ANKRD36: variants seen among roughly 807,000 people sequenced by gnomAD.
ANKRD36 encodes ankyrin repeat domain 36.
A neutral mutation model predicts 278.1 loss-of-function variants in ANKRD36; 179 were observed. The observed-to-expected ratio is 0.64, with a 90% CI of 0.57 to 0.73. The LOEUF (loss-of-function observed/expected upper bound fraction) is 0.73, where lower values mean the gene tolerates loss of function less well. Ranked by LOEUF, ANKRD36 falls within the 30% of genes least tolerant of loss-of-function variation. The probability of loss-of-function intolerance (pLI) is 0.00; values close to 1 mark genes in which losing one functional copy is unlikely to be tolerated. For missense variants in ANKRD36, 1,159 were observed against 1,956.7 expected (o/e 0.59, Z 7.69); for synonymous variants, 320 against 641.1 (o/e 0.50, Z 7.57).
Position 97,142,791 on chromosome 2 carries a change from C to A in ANKRD36, c.857C>A (p.Ser286Ter), listed in dbSNP as rs747469072. The A allele has an allele frequency of 7.7e-5, 121 of 1,570,840 alleles. No individual in the cohort carries two copies. The highest frequency in any genetic ancestry group is 1.4e-4 in the African/African-American group (10 of 73,612). The change falls in exon 8 of 76, where the codon TCA (serine) becomes TAA (stop). Residue 286 changes from serine (S) to a stop codon, truncating the protein, a stop_gained. Transcript: ENST00000420699. LOFTEE classifies it high-confidence loss of function. ...KATSGKEDSI[S>*]NIATEIKDGQ... ...ACAAGTGGCAAGGAAGATTCTATTT[C>A]AAATATAGCCACAGAAATAAAGGAT...
rs1279395755 is a variant in ANKRD36, at chr2:97,192,841, T to A, written c.2348-17T>A. The A allele has an allele frequency of 6.3e-6, 10 of 1,599,670 alleles. No individual in the cohort carries two copies. In the Admixed American group the frequency reaches 1.2e-4, roughly 19 times the overall value. ...ATAGTTACATATGAGTGATTATGTA[T>A]CCCTTTTGCTTTTCAGTGTCTTCTC... is the stretch of plus-strand genomic sequence containing the variant. On this transcript the variant is annotated splice_polypyrimidine_tract_variant and intron_variant, in intron 36 of 75. Transcript: ENST00000420699.
intron 15 of ANKRD36, among the ~76,000 whole-genome samples, chr2:97,157,011 A>G (rs1575066435): frequency 1.3e-5 from 2 of 151,856 alleles, no homozygotes; most frequent in East Asian, 3.9e-4. Context: ...TTGGCTGCAT[A>G]AATGTCTTCT....
chr2:97,169,901 C>G (rs1364878999), intron 22 of ANKRD36, among the ~76,000 whole-genome samples: 2 of 152,114 alleles, frequency 1.3e-5, no homozygotes, highest in African/African-American at 4.8e-5. Flanking sequence ...CATTGACTTT[C>G]TTCACAGAAT....
chr2:97,228,238 A>G lies in ANKRD36; in HGVS notation c.3951+3359A>G, dbSNP rs372307116. On this transcript the variant is annotated intron_variant, in intron 67 of 75. Transcript: ENST00000420699. ...ACCACTTCCTCCTTGTACCTCTGGT[A>G]GAATTCGGCTGTGAATCCATCTGGT... Among the ~76,000 whole-genome samples, 164 of 152,224 alleles carry G rather than the reference A, an allele frequency of 1.1e-3. 12 individuals carry two copies. In the East Asian group the frequency reaches 0.029, roughly 27 times the overall value.
chr2:97,174,829 G>A (rs1349326643), intron 22 of ANKRD36, among the ~76,000 whole-genome samples: 1 of 151,712 alleles, frequency 6.6e-6, no homozygotes, highest in Non-Finnish European at 1.5e-5. Context: ...AGAGTTTTTA[G>A]CATGAAGGGT....
At chr2:97,149,678 T>A (rs936759853) in intron 12 of ANKRD36, among the ~76,000 whole-genome samples, 2 of 151,988 alleles carry the variant, frequency 1.3e-5, no homozygotes, top group Admixed American at 1.3e-4. Context: ...CTAGGCTTAT[T>A]TGAGTGTTTT....
At chr2:97,168,328 A>AT (rs1023867045) in intron 22 of ANKRD36, among the ~76,000 whole-genome samples, 1 of 152,204 alleles carries the variant, frequency 6.6e-6, no homozygotes, top group Non-Finnish European at 1.5e-5. Context: ...GTCATTAATC[A>AT]TTTTTTCGTG....
chr2:97,175,618 A>C (rs1222713529), intron 22 of ANKRD36, among the ~76,000 whole-genome samples: 3 of 151,210 alleles, frequency 2.0e-5, no homozygotes, highest in Non-Finnish European at 2.9e-5. Flanking sequence ...TTGTGTCTCT[A>C]TTTCCTTCAG....
At chr2:97,118,226 A>T (rs1235990098) in intron 2 of ANKRD36, 48 bp downstream of exon 2, 3 of 1,577,040 alleles carry the variant, frequency 1.9e-6, no homozygotes, top group Non-Finnish European at 2.6e-6. Context: ...TGGTTGAAGT[A>T]CATAGGATAA....
In ANKRD36 at chr2:97,208,088, T is replaced by C; in HGVS notation, c.3265+82T>C. On this transcript the variant is annotated intron_variant, in intron 54 of 75. Transcript: ENST00000420699. ...TTCCCTGAATAAATCAGCGGGGGGC[T>C]CGTTGAAGCTGCACATTCTGATTCA... 15 of 1,318,446 alleles carry C rather than the reference T, an allele frequency of 1.1e-5. 2 individuals carry two copies. In the South Asian group the frequency reaches 1.7e-4, roughly 15 times the overall value. The allele number at this position is 1,318,446 out of a possible 1,614,324, so 81.7% of individuals were successfully genotyped here. A position where few individuals can be genotyped will look rare whatever the true frequency, so the allele number is the denominator to read the frequency against.
At chr2:97,226,230 C>T (rs1169034291) in intron 67 of ANKRD36, among the ~76,000 whole-genome samples, 1 of 151,818 alleles carries the variant, frequency 6.6e-6, no homozygotes, top group Non-Finnish European at 1.5e-5. Flanking sequence ...AACTAGTTTA[C>T]AGTCCCACCA....
chr2:97,222,655 A>C (rs1461660412), intron 66 of ANKRD36, among the ~76,000 whole-genome samples: 1 of 152,140 alleles, frequency 6.6e-6, no homozygotes. Context: ...TTTTGCTACT[A>C]TTTCTGAGCA....
At chr2:97,134,634 CAA>C (rs905414092) in intron 6 of ANKRD36, among the ~76,000 whole-genome samples, 16 of 152,100 alleles carry the variant, frequency 1.1e-4, no homozygotes, top group African/African-American at 3.6e-4. Context: ...TGAAAAATGC[CAA>C]GAGAGTCATA....
intron 52 of ANKRD36, among the ~76,000 whole-genome samples, chr2:97,206,521 A>G (rs1182790894): frequency 4.0e-5 from 6 of 151,416 alleles, no homozygotes; most frequent in Non-Finnish European, 4.4e-5. Context: ...AACTTGTTGT[A>G]ATAACCCGTA....
chr2:97,196,458 GAC>G (rs1387618982), intron 40 of ANKRD36, 133 bp from the exon 41 acceptor site: 2 of 1,500,884 alleles, frequency 1.3e-6, no homozygotes, highest in Non-Finnish European at 1.8e-6. Flanking sequence ...CTAGTCCCCA[GAC>G]ACAAAGTAGA....
chr2:97,205,594 C>T (rs918887462), intron 50 of ANKRD36, among the ~76,000 whole-genome samples: 39 of 151,498 alleles, frequency 2.6e-4, no homozygotes, highest in African/African-American at 8.5e-4. Flanking sequence ...GTAGCACCTG[C>T]TTTGACATTG....
intron 56 of ANKRD36, among the ~76,000 whole-genome samples, chr2:97,210,607 T>A (rs1370366817): frequency 6.6e-6 from 1 of 151,794 alleles, no homozygotes; most frequent in South Asian, 2.1e-4. Flanking sequence ...ATGAATAAAT[T>A]TCCTTCCTTG....
In ANKRD36 at chr2:97,224,454, T is replaced by TG. The variant is rs1183422908; in HGVS notation, c.3878-352_3878-351insG. Among the ~76,000 whole-genome samples the TG allele has an allele frequency of 3.3e-5, 5 of 150,390 alleles. 1 individual carries two copies. In the South Asian group the frequency reaches 6.4e-4, roughly 19 times the overall value. On this transcript the variant is annotated intron_variant, in intron 66 of 75. Coordinates refer to ENST00000420699, the MANE Select transcript of ANKRD36 (RefSeq NM_001354587.1). ...TCGTTTTGTTTTTTTGTTTTTTTGTTTTTTTTTTTTTGAGACACAGTCTCG... is the reference window on the plus strand; with the variant it reads ...TCGTTTTGTTTTTTTGTTTTTTTGTTGTTTTTTTTTTTGAGACACAGTCTCG...
intron 44 of ANKRD36, 49 bp from the exon 45 acceptor site, chr2:97,200,285 T>C (rs1368888333): frequency 1.2e-6 from 2 of 1,606,446 alleles, no homozygotes; most frequent in Admixed American, 1.7e-5. Flanking sequence ...CTATGGATAA[T>C]TTTATCATGT....
Sources: allele counts gnomAD v4.1 joint callset (sites outside exome capture counted in the v4.1 genomes callset), GRCh38; gene constraint gnomAD v4.1.1; transcripts MANE v1.5; gene names NCBI Gene and HGNC (gene_info 2026-07-23, HGNC 2026-07-21).